The following RPS6KC1 variants were observed in gnomAD, a reference collection of about 807,000 sequenced individuals.
The protein encoded by RPS6KC1 is ribosomal protein S6 kinase C1.
A neutral mutation model predicts 103.8 loss-of-function variants in RPS6KC1; 54 were observed. That is an observed-to-expected ratio of 0.52 (90% CI 0.42 to 0.65). The LOEUF (loss-of-function observed/expected upper bound fraction) is 0.65. Among genes scored for constraint, RPS6KC1 ranks in the 30% least tolerant of loss-of-function variants. The probability of loss-of-function intolerance (pLI) is 0.00; values close to 1 mark genes in which losing one functional copy is unlikely to be tolerated. For synonymous variants in RPS6KC1, 439 were observed against 438.7 expected (o/e 1.00, Z -0.01); for missense variants, 1,151 against 1,253.8 (o/e 0.92, Z 1.24).
the RPS6KC1 span, among the ~76,000 whole-genome samples, chr1:213,384,972 C>T: frequency 6.6e-6 from 1 of 152,184 alleles, no homozygotes; most frequent in South Asian, 2.1e-4. Flanking sequence ...ATATGTTTTA[C>T]TGCCTGGGGG....
intron 12 of RPS6KC1, among the ~76,000 whole-genome samples, chr1:213,260,696 G>T (rs1370764788): frequency 6.8e-6 from 1 of 147,886 alleles, no homozygotes; most frequent in African/African-American, 2.5e-5. Flanking sequence ...TATTGGCAAG[G>T]CTTCGGGACT....
At chr1:213,205,308 G>A (rs1385915735) in intron 8 of RPS6KC1, 2 of 984,754 alleles carry the variant, frequency 2.0e-6, no homozygotes, top group Non-Finnish European at 2.4e-6. Context: ...ATTCTGGAAG[G>A]ACAGCAAGCT....
the RPS6KC1 span, among the ~76,000 whole-genome samples, chr1:213,623,826 G>A: frequency 1.3e-5 from 2 of 152,176 alleles, no homozygotes; most frequent in East Asian, 1.9e-4. Flanking sequence ...CAACACATCC[G>A]CTGAGGTCTG....
chr1:213,447,733 C>T, the RPS6KC1 span, among the ~76,000 whole-genome samples: 1 of 152,150 alleles, frequency 6.6e-6, no homozygotes, highest in Non-Finnish European at 1.5e-5. Context: ...GATTCCCAGA[C>T]TTATGCCTTC....
At chr1:213,143,702 G>A (rs2087365743) in intron 6 of RPS6KC1, among the ~76,000 whole-genome samples, 1 of 151,110 alleles carries the variant, frequency 6.6e-6, no homozygotes, top group Non-Finnish European at 1.5e-5. Context: ...GTTTTCTATT[G>A]GTGCTTTAAC....
chr1:213,204,033 T>C (rs2093260546), intron 8 of RPS6KC1, among the ~76,000 whole-genome samples: 1 of 152,242 alleles, frequency 6.6e-6, no homozygotes, highest in Non-Finnish European at 1.5e-5. Context: ...GGTCCATGTC[T>C]GAATTAGACA....
At chr1:213,330,258 C>A in the RPS6KC1 span, among the ~76,000 whole-genome samples, 4 of 152,264 alleles carry the variant, frequency 2.6e-5, no homozygotes, top group Non-Finnish European at 4.4e-5. Context: ...GGGTTACCGA[C>A]CTTCTATCTG....
At chr1:213,214,147 T>C (rs537537290) in intron 8 of RPS6KC1, among the ~76,000 whole-genome samples, 2 of 152,346 alleles carry the variant, frequency 1.3e-5, no homozygotes, top group South Asian at 4.1e-4. Flanking sequence ...AGATGACAGA[T>C]GGCACCTGGA....
chr1:213,212,572 T>A (rs1159337326), intron 8 of RPS6KC1, among the ~76,000 whole-genome samples: 1 of 152,224 alleles, frequency 6.6e-6, no homozygotes, highest in Non-Finnish European at 1.5e-5. Context: ...TGGACATGCA[T>A]TTTCAGCTCC....
At chr1:213,327,808 C>G in the RPS6KC1 span, among the ~76,000 whole-genome samples, 1 of 152,288 alleles carries the variant, frequency 6.6e-6, no homozygotes, top group East Asian at 1.9e-4. Context: ...TGACATTTCT[C>G]TATCCCACCT....
the RPS6KC1 span, among the ~76,000 whole-genome samples, chr1:213,689,299 T>C: frequency 1.3e-5 from 2 of 152,182 alleles, no homozygotes; most frequent in Non-Finnish European, 2.9e-5. Flanking sequence ...TAGTCTCCTT[T>C]TCAGCTTCGG....
the RPS6KC1 span, among the ~76,000 whole-genome samples, chr1:213,482,692 GCA>G: frequency 6.6e-6 from 1 of 151,510 alleles, no homozygotes; most frequent in Admixed American, 6.6e-5. Flanking sequence ...GGGACTACAG[GCA>G]TGCACCACCA....
chr1:213,330,147 GGATA>G, the RPS6KC1 span, among the ~76,000 whole-genome samples: 1 of 152,194 alleles, frequency 6.6e-6, no homozygotes, highest in East Asian at 1.9e-4. Flanking sequence ...GATTCCCATG[GGATA>G]CAGGAGAAAC....
chr1:213,381,766 T>G, the RPS6KC1 span, among the ~76,000 whole-genome samples: 2 of 152,200 alleles, frequency 1.3e-5, no homozygotes, highest in Non-Finnish European at 2.9e-5. Context: ...GCCGCCTTTA[T>G]AGTTGGTTCT....
At chr1:213,718,648 T>C in the RPS6KC1 span, among the ~76,000 whole-genome samples, 1 of 152,352 alleles carries the variant, frequency 6.6e-6, no homozygotes, top group South Asian at 2.1e-4. Context: ...GGAACATTGT[T>C]CCTTCCACAC....
At chr1:213,726,183 T>C in the RPS6KC1 span, among the ~76,000 whole-genome samples, 1 of 152,176 alleles carries the variant, frequency 6.6e-6, no homozygotes, top group South Asian at 2.1e-4. Context: ...CCTCCTGGGC[T>C]CAGGCGATCT....
At chr1:213,402,578 C>T in the RPS6KC1 span, among the ~76,000 whole-genome samples, 52 of 152,222 alleles carry the variant, frequency 3.4e-4, no homozygotes, top group Non-Finnish European at 7.2e-4. Context: ...CCAGGTAGAA[C>T]AGGAGAAGGA....
At chr1:213,306,464 C>T in the RPS6KC1 span, among the ~76,000 whole-genome samples, 1 of 152,122 alleles carries the variant, frequency 6.6e-6, no homozygotes, top group African/African-American at 2.4e-5. Flanking sequence ...TTTATGTTTC[C>T]AACAGAATTT....
At chr1:213,166,136 T>A (rs922434476) in intron 6 of RPS6KC1, among the ~76,000 whole-genome samples, 5 of 152,250 alleles carry the variant, frequency 3.3e-5, no homozygotes, top group Non-Finnish European at 7.4e-5. Flanking sequence ...TTTTTTTTTT[T>A]ACGAAGCAAA....
Sources: gnomAD v4.1 joint callset for allele counts (sites outside exome capture counted in the v4.1 genomes callset) on GRCh38, gnomAD v4.1.1 for gene constraint, MANE v1.5 for transcripts, NCBI Gene and HGNC (gene_info 2026-07-23, HGNC 2026-07-21) for gene names.